The following IDE variants were observed in gnomAD, a reference collection of about 807,000 sequenced individuals.
IDE encodes the protein insulin degrading enzyme.
In IDE, 58 loss-of-function variants were observed where a neutral mutation model predicts 133.2. The ratio of observed to expected loss-of-function variants is 0.44; its 90% CI spans 0.35 to 0.54. The LOEUF (loss-of-function observed/expected upper bound fraction) is 0.54. Among genes scored for constraint, IDE ranks in the 20% least tolerant of loss-of-function variants. The probability of loss-of-function intolerance (pLI) is 0.00; values close to 1 mark genes in which losing one functional copy is unlikely to be tolerated. For synonymous variants in IDE, 396 were observed against 421.3 expected, an observed-to-expected ratio of 0.94 and a Z score of 0.73; for missense variants, 981 against 1,234.0, an observed-to-expected ratio of 0.79 and a Z score of 3.07.
At chr10:92,552,857 C>CAAAAAAAAAAAAAAAAA (rs71028827) in intron 1 of IDE, among the ~76,000 whole-genome samples, 687 of 49,256 alleles carry the variant, frequency 0.014, 62 homozygotes, top group Middle Eastern at 0.018. Context: ...GACTCAGTCT[C>CAAAAAAAAAAAAAAAAA]AAAAAAAAAA....
chr10:92,455,631 C>T lies in IDE; in HGVS notation c.2909G>A (p.Gly970Glu), dbSNP rs776701450. The T allele has an allele frequency of 8.2e-6, 13 of 1,589,454 alleles. No homozygotes were observed. The highest frequency in any genetic ancestry group is 1.7e-5 in the Admixed American group (1 of 59,888). The change falls in exon 24 of 25, where the codon GGA becomes GAA. Residue 970 changes from glycine (G) to glutamate (E), a missense_variant. This residue lies in a region of IDE where 660 missense variants were observed against 894.7 expected (regional missense o/e 0.74). Coordinates refer to ENST00000265986, the MANE Select transcript of IDE (RefSeq NM_004969.4). ...AREMDSCPVVGEFPCQNDINL... is the reference protein window; with the variant it reads ...AREMDSCPVVEEFPCQNDINL... ...TATGTCATTTTGACATGGGAACTCT[C>T]CAACAACAGGACCTATAAGAAAATA... is the stretch of plus-strand genomic sequence containing the variant.
At chr10:92,532,281 A>G (rs530320662) in intron 3 of IDE, among the ~76,000 whole-genome samples, 3 of 151,674 alleles carry the variant, frequency 2.0e-5, no homozygotes, top group South Asian at 2.1e-4. Context: ...AAAAAAAAAA[A>G]AGAGAAAGAA....
intron 4 of IDE, among the ~76,000 whole-genome samples, chr10:92,530,951 T>C (rs568826707): frequency 6.6e-6 from 1 of 152,310 alleles, no homozygotes; most frequent in African/African-American, 2.4e-5. Context: ...AGTGAATTTT[T>C]AAGCATAAAT....
At chr10:92,529,732 G>C (rs916287253) in intron 4 of IDE, among the ~76,000 whole-genome samples, 1 of 151,986 alleles carries the variant, frequency 6.6e-6, no homozygotes, top group Non-Finnish European at 1.5e-5. Context: ...AATGTTCCTT[G>C]TTTGTGACCA....
intron 16 of IDE, 103 bp from the exon 17 acceptor site, chr10:92,475,064 A>C (rs1299786984): frequency 1.2e-6 from 1 of 810,812 alleles, no homozygotes; most frequent in Non-Finnish European, 1.9e-6. Flanking sequence ...CTGTATTACT[A>C]GGATATTCCC....
chr10:92,489,443 G>T (rs150915172), intron 12 of IDE, among the ~76,000 whole-genome samples: 2,938 of 152,164 alleles, frequency 0.019, 45 homozygotes, highest in Admixed American at 0.052. Flanking sequence ...CCAGCTACTC[G>T]GGAGGCTGAG....
chr10:92,545,933 T>C (rs914266231), intron 1 of IDE, among the ~76,000 whole-genome samples: 2 of 152,102 alleles, frequency 1.3e-5, no homozygotes, highest in Admixed American at 6.6e-5. Flanking sequence ...TAGTAACAGA[T>C]AAATAACCCA....
At chr10:92,536,501 C>A (rs1387397559) in intron 2 of IDE, among the ~76,000 whole-genome samples, 2 of 147,216 alleles carry the variant, frequency 1.4e-5, no homozygotes, top group African/African-American at 5.0e-5. Context: ...GAGTTCAAGA[C>A]CAGCCTGACC....
At chr10:92,566,895 C>T (rs1026729458) in intron 1 of IDE, among the ~76,000 whole-genome samples, 2 of 152,192 alleles carry the variant, frequency 1.3e-5, no homozygotes, top group African/African-American at 4.8e-5. Context: ...AAGAGCGTTA[C>T]AGCTGAATCC....
In IDE at chr10:92,478,534, G is replaced by GA. The variant is rs557919062; in HGVS notation, c.1884+742dup. ...TCTTTGATCATCAAAAAGATGCAAG[G>GA]AAAAAAACCATTAACTTTCTTGTTT... On this transcript the variant is annotated intron_variant, in intron 15 of 24. Coordinates refer to ENST00000265986, the MANE Select transcript of IDE (RefSeq NM_004969.4). 893 of 543,436 alleles carry GA rather than the reference G, an allele frequency of 1.6e-3. 10 individuals carry two copies. In the African/African-American group the frequency reaches 0.017, roughly 10 times the overall value. The allele number at this position is 543,436 out of a possible 1,614,324, so 33.7% of individuals were successfully genotyped here.
Position 92,530,028 on chromosome 10 carries a change from C to A in IDE, c.661+1720G>T, listed in dbSNP as rs574863805. Among the ~76,000 whole-genome samples, 3 of 152,084 alleles carry A rather than the reference C, an allele frequency of 2.0e-5. No homozygotes were observed. In the East Asian group the frequency reaches 5.8e-4, roughly 30 times the overall value. Reference sequence around the variant, plus strand: ...ATCACCTGAGATCAGGATTTTGAGACCAGCCTGACCAACATGGAGAAACCC... The same window carrying A: ...ATCACCTGAGATCAGGATTTTGAGAACAGCCTGACCAACATGGAGAAACCC... On this transcript the variant is annotated intron_variant, in intron 4 of 24. Coordinates refer to ENST00000265986, the MANE Select transcript of IDE (RefSeq NM_004969.4).
chr10:92,486,691 G>A (rs1011709078), intron 13 of IDE, among the ~76,000 whole-genome samples: 1 of 152,156 alleles, frequency 6.6e-6, no homozygotes, highest in Non-Finnish European at 1.5e-5. Context: ...AAAAGATGGG[G>A]AGGGAACCCT....
In IDE at chr10:92,504,009, C is replaced by T. The variant is rs189539742; in HGVS notation, c.1430+785G>A. The stretch of plus-strand genomic sequence containing the variant: ...CTGGGATTACAGGCAGGAGCCACCG[C>T]GCCCAGCCCAAAAAGATTTTTTTTT... On this transcript the variant is annotated intron_variant, in intron 11 of 24. Transcript: ENST00000265986. Among the ~76,000 whole-genome samples, 252 of 133,278 alleles carry T rather than the reference C, an allele frequency of 1.9e-3. 2 individuals are homozygous for T. In the East Asian group the frequency reaches 0.035, roughly 18 times the overall value. 87.4% of individuals were successfully genotyped at this position (133,278 alleles called of 152,430 possible).
intron 4 of IDE, among the ~76,000 whole-genome samples, chr10:92,516,562 T>G (rs555216365): frequency 6.6e-6 from 1 of 152,318 alleles, no homozygotes; most frequent in East Asian, 1.9e-4. Context: ...GTATTATGAG[T>G]GCTTAAAAGA....
chr10:92,497,662 G>A, intron 11 of IDE: 1 of 917,224 alleles, frequency 1.1e-6, no homozygotes, highest in Non-Finnish European at 1.3e-6. Context: ...ATTAAAGAAG[G>A]TAATCTTACC....
intron 12 of IDE, among the ~76,000 whole-genome samples, chr10:92,488,255 C>G (rs1371330434): frequency 6.6e-6 from 1 of 152,150 alleles, no homozygotes; most frequent in East Asian, 1.9e-4. Context: ...CAGGCGTGTA[C>G]CACCACACTC....
intron 2 of IDE, among the ~76,000 whole-genome samples, chr10:92,536,331 C>T (rs1842000775): frequency 6.9e-6 from 1 of 144,712 alleles, no homozygotes; most frequent in South Asian, 2.2e-4. Flanking sequence ...TGCAGTCAGC[C>T]GAGATCACAC....
intron 11 of IDE, among the ~76,000 whole-genome samples, chr10:92,498,889 A>G (rs1168339145): frequency 6.6e-6 from 1 of 152,224 alleles, no homozygotes; most frequent in Non-Finnish European, 1.5e-5. Flanking sequence ...GTAAATCTAT[A>G]GCTCTTTCTC....
At chr10:92,496,542 T>C (rs182873665) in intron 11 of IDE, among the ~76,000 whole-genome samples, 7 of 152,228 alleles carry the variant, frequency 4.6e-5, no homozygotes, top group Admixed American at 3.9e-4. Context: ...TCTCAACAAT[T>C]TGGGAGGCTG....
Sources: allele counts gnomAD v4.1 joint callset (sites outside exome capture counted in the v4.1 genomes callset), GRCh38; gene constraint gnomAD v4.1.1; regional missense constraint gnomAD v4.1.1; transcripts MANE v1.5; gene names NCBI Gene and HGNC (gene_info 2026-07-23, HGNC 2026-07-21).